Variants in FOXP1 observed in about 807,000 individuals in gnomAD.
FOXP1 encodes the protein forkhead box protein P1.
In FOXP1, 15 loss-of-function variants were observed where a neutral mutation model predicts 98.2. That is an observed-to-expected ratio of 0.15 (90% confidence interval 0.10 to 0.24). FOXP1 has a LOEUF of 0.24. FOXP1 is among the 10% of genes least tolerant of loss of function. The pLI, the probability that FOXP1 is intolerant of heterozygous loss-of-function variation, is 1.00. For synonymous variants in FOXP1, 371 were observed against 314.5 expected (o/e 1.18, Z -1.90); for missense variants, 633 against 848.5 (o/e 0.75, Z 3.15).
chr3:71,464,213 T>A (rs1472341083), intron 3 of FOXP1, among the ~76,000 whole-genome samples: 1 of 151,922 alleles, frequency 6.6e-6, no homozygotes, highest in African/African-American at 2.4e-5. Context: ...GAGACGGAGG[T>A]TGCAGTGAGC....
chr3:71,082,882 C>G (rs1451822038), intron 7 of FOXP1, among the ~76,000 whole-genome samples: 1 of 152,102 alleles, frequency 6.6e-6, no homozygotes, highest in Non-Finnish European at 1.5e-5. Flanking sequence ...AACAATATGG[C>G]TAGCAATATG....
intron 3 of FOXP1, among the ~76,000 whole-genome samples, chr3:71,388,510 C>T (rs1174331807): frequency 3.9e-5 from 6 of 152,088 alleles, no homozygotes; most frequent in Non-Finnish European, 5.9e-5. Flanking sequence ...ACGTTAAGTA[C>T]AAATTTTCCT....
At chr3:71,314,339 G>A (rs1314901860) in intron 4 of FOXP1, among the ~76,000 whole-genome samples, 1 of 152,018 alleles carries the variant, frequency 6.6e-6, no homozygotes, top group African/African-American at 2.4e-5. Flanking sequence ...GACCATCCTG[G>A]CCATCATGGT....
chr3:71,170,565 G>A (rs1383213161), intron 6 of FOXP1, among the ~76,000 whole-genome samples: 1 of 152,156 alleles, frequency 6.6e-6, no homozygotes, highest in Non-Finnish European at 1.5e-5. Context: ...AAAATAAACT[G>A]TGAAAGTCGC....
intron 3 of FOXP1, among the ~76,000 whole-genome samples, chr3:71,395,261 G>A (rs1375800067): frequency 6.6e-6 from 1 of 151,320 alleles, no homozygotes. Context: ...ATAGGTAGAA[G>A]AATAAAGCTC....
chr3:71,138,554 TAAGA>T (rs1273249854), intron 6 of FOXP1, among the ~76,000 whole-genome samples: 4 of 152,170 alleles, frequency 2.6e-5, no homozygotes, highest in African/African-American at 9.7e-5. Context: ...AACATGTAAT[TAAGA>T]AAGATAACCC....
At chr3:70,959,485 T>TCTAGAA in intron 20 of FOXP1, 94 bp from the exon 21 acceptor site, 1 of 1,358,834 alleles carries the variant, frequency 7.4e-7, no homozygotes, top group Non-Finnish European at 1.0e-6. Context: ...AAAGCCGCAC[T>TCTAGAA]CTAGAACTAG....
At chr3:71,169,224 A>AAC (rs773593696) in intron 6 of FOXP1, among the ~76,000 whole-genome samples, 3 of 152,260 alleles carry the variant, frequency 2.0e-5, no homozygotes, top group Non-Finnish European at 4.4e-5. Context: ...CACTCTTGCT[A>AAC]ACACAATTCC....
intron 3 of FOXP1, among the ~76,000 whole-genome samples, chr3:71,393,476 A>G (rs1281282138): frequency 6.6e-6 from 1 of 151,874 alleles, no homozygotes; most frequent in African/African-American, 2.4e-5. Flanking sequence ...TATCATGTAC[A>G]TTTACGCAGT....
chr3:71,474,140 A>G (rs1046946586), intron 3 of FOXP1, among the ~76,000 whole-genome samples: 2 of 152,222 alleles, frequency 1.3e-5, no homozygotes, highest in Non-Finnish European at 1.5e-5. Context: ...AGAAGGAAAT[A>G]CACTTAGATG....
At chr3:71,124,851 T>C (rs2059047518) in intron 6 of FOXP1, among the ~76,000 whole-genome samples, 2 of 152,214 alleles carry the variant, frequency 1.3e-5, no homozygotes, top group Admixed American at 6.5e-5. Flanking sequence ...CAAAGATTCC[T>C]TTCTCCCAGT....
At chr3:71,265,663 C>T (rs2069570262) in intron 5 of FOXP1, among the ~76,000 whole-genome samples, 1 of 152,156 alleles carries the variant, frequency 6.6e-6, no homozygotes, top group African/African-American at 2.4e-5. Flanking sequence ...TTAGGTTTCC[C>T]AGGCTAGCTC....
At chr3:71,498,944 G>A (rs2041121396) in intron 2 of FOXP1, among the ~76,000 whole-genome samples, 1 of 152,178 alleles carries the variant, frequency 6.6e-6, no homozygotes, top group African/African-American at 2.4e-5. Flanking sequence ...GATCTAGGAA[G>A]GAGTTCATTT....
intron 15 of FOXP1, 34 bp from the exon 16 acceptor site, chr3:70,977,756 T>G (rs2037874093): frequency 6.2e-7 from 1 of 1,612,810 alleles, no homozygotes; most frequent in African/African-American, 1.3e-5. Flanking sequence ...TAATTATCAC[T>G]TTTTCAAAAG....
chr3:71,271,086 C>T (rs1560217416), intron 5 of FOXP1, among the ~76,000 whole-genome samples: 1 of 152,142 alleles, frequency 6.6e-6, no homozygotes, highest in African/African-American at 2.4e-5. Context: ...CAAAATTAGC[C>T]GGGTGTACTG....
At chr3:71,178,369 C>T (rs562635488) in intron 6 of FOXP1, among the ~76,000 whole-genome samples, 6 of 151,762 alleles carry the variant, frequency 4.0e-5, no homozygotes, top group Admixed American at 3.3e-4. Context: ...CTCCTGACCT[C>T]GTAATCCACC....
chr3:71,321,983 C>T (rs1458406799), intron 4 of FOXP1, among the ~76,000 whole-genome samples: 1 of 152,184 alleles, frequency 6.6e-6, no homozygotes, highest in Non-Finnish European at 1.5e-5. Flanking sequence ...TCTTCACTTT[C>T]TTCATCGGGA....
chr3:71,568,010 A>AG (rs1368070337), intron 2 of FOXP1: 23 of 125,302 alleles, frequency 1.8e-4, no homozygotes, highest in African/African-American at 6.3e-4. Context: ...GAAGGGAGGA[A>AG]GGAAGGAAGG....
chr3:70,956,013 A>G lies in FOXP1; in HGVS notation c.*3234T>C, dbSNP rs1011133492. On this transcript the variant is annotated 3_prime_UTR_variant, in exon 21 of 21. Coordinates refer to ENST00000649528, the MANE Select transcript of FOXP1 (RefSeq NM_001349338.3). ...CTTAAAGCAAGGATAACTAAATAAA[A>G]TACATGTGCAGCATATTCTGCAATT... is the stretch of plus-strand genomic sequence containing the variant. 3 of 233,160 alleles carry G rather than the reference A, an allele frequency of 1.3e-5. No individual in the cohort carries two copies. Among genetic ancestry groups the G allele is most frequent in the Admixed American group, 1.1e-4 (2 of 17,786 alleles). The allele number at this position is 233,160 out of a possible 1,614,324, so 14.4% of individuals were successfully genotyped here.
Sources: allele counts gnomAD v4.1 joint callset (sites outside exome capture counted in the v4.1 genomes callset), GRCh38; gene constraint gnomAD v4.1.1; transcripts MANE v1.5; gene names NCBI Gene and HGNC (gene_info 2026-07-23, HGNC 2026-07-21).